Variants in INTS2 observed in about 807,000 individuals in gnomAD.
INTS2 encodes KIAA1287.
INTS2 carries 57 observed loss-of-function variants against 139.6 expected under a neutral mutation model. The observed-to-expected ratio is 0.41, with a 90% CI of 0.33 to 0.51. The LOEUF (loss-of-function observed/expected upper bound fraction) is 0.51, where lower values mean the gene tolerates loss of function less well. Among genes scored for constraint, INTS2 ranks in the 20% least tolerant of loss-of-function variants. The probability of loss-of-function intolerance (pLI) is 0.28; values close to 1 mark genes in which losing one functional copy is unlikely to be tolerated. For synonymous variants in INTS2, 473 were observed against 493.4 expected (o/e 0.96, Z 0.55); for missense variants, 1,196 against 1,436.7 (o/e 0.83, Z 2.71).
intron 15 of INTS2, among the ~76,000 whole-genome samples, chr17:61,889,176 C>T (rs1482398751): frequency 6.6e-6 from 1 of 151,844 alleles, no homozygotes; most frequent in Non-Finnish European, 1.5e-5. Context: ...CAACTTCCGC[C>T]TCTGGGTTCA....
intron 16 of INTS2, among the ~76,000 whole-genome samples, chr17:61,883,894 C>T (rs1015009562): frequency 7.3e-5 from 11 of 151,386 alleles, no homozygotes; most frequent in Non-Finnish European, 5.9e-5. Flanking sequence ...CTGTAGTCCC[C>T]GCTACTAGAG....
At chr17:61,919,566 C>CA in intron 4 of INTS2, 53 bp from the exon 5 acceptor site, 2 of 893,866 alleles carry the variant, frequency 2.2e-6, no homozygotes, top group Non-Finnish European at 3.6e-6. Context: ...CACTCCACCA[C>CA]ACCCAGCTAA....
At position 61,867,703 on chromosome 17, in the gene INTS2, G is replaced by A. The variant is rs1218206968; in HGVS notation, c.3445C>T (p.Pro1149Ser). The change falls in exon 25 of 25, where the codon CCA becomes TCA. Residue 1149 changes from proline (P) to serine (S), a missense_variant. By Grantham distance (74) the Pro-to-Ser change is moderately conservative (BLOSUM62 -1). Coordinates refer to ENST00000251334, the MANE Select transcript of INTS2 (RefSeq NM_001351695.2). This position sits in a 1 kb window ranked among gnomAD's most constrained non-coding sequence, Gnocchi z 5.6. ...TTACAGATTTGAGACCATCCACTTG[G>A]TTTCTCCTTTATTTGTTGAAGACCT... Reference protein sequence around the residue: ...ITRLQQIKEKPSGWSQICKDS... With the variant: ...ITRLQQIKEKSSGWSQICKDS... 4.4e-6 allele frequency: 7 copies of A among 1,602,572 alleles called. No homozygotes were observed. Among genetic ancestry groups the A allele is most frequent in the Non-Finnish European group, 5.1e-6 (6 of 1,174,916 alleles).
rs2079066172 is a variant in INTS2, at chr17:61,868,812, T to C, written c.3244+222A>G. 6.6e-6 allele frequency among the ~76,000 whole-genome samples: 1 copy of C among 152,166 alleles called. No individual in the cohort carries two copies. Among genetic ancestry groups the C allele is most frequent in the Non-Finnish European group, 1.5e-5 (1 of 68,002 alleles). On this transcript the variant is annotated intron_variant, in intron 23 of 24. Transcript: ENST00000251334. This position sits in a 1 kb window ranked among gnomAD's most constrained non-coding sequence, Gnocchi z 4.7. ...TCATTCACAAAATGAAAAATACAAT[T>C]TGCCTACCTATTCATTCCCACTACA...
chr17:61,918,926 T>G (rs1209638554), intron 5 of INTS2, among the ~76,000 whole-genome samples: 1 of 148,938 alleles, frequency 6.7e-6, no homozygotes, highest in Non-Finnish European at 1.5e-5. Flanking sequence ...CCTTGGGGTT[T>G]TTTTTTTTTT....
rs758302407 is a variant in INTS2 at position 61,871,367 on chromosome 17, C to T, written c.2778+898G>A. 6.6e-6 allele frequency among the ~76,000 whole-genome samples: 1 copy of T among 152,076 alleles called. No homozygotes were observed. The highest frequency in any genetic ancestry group is 6.5e-5 in the Admixed American group (1 of 15,270). ...AAACTCCTGAACTCAGGTGATCCAC[C>T]CACCTCAGCCACCCAAAGTGCTGGG... On this transcript the variant is annotated intron_variant, in intron 20 of 24. Coordinates refer to ENST00000251334, the MANE Select transcript of INTS2 (RefSeq NM_001351695.2). This position sits in a 1 kb window ranked among gnomAD's most constrained non-coding sequence, Gnocchi z 4.9.
rs184284916 is a variant in INTS2, at chr17:61,910,553, T to C, written c.954+967A>G. 864 of 150,538 alleles carry C rather than the reference T, an allele frequency of 5.7e-3. 6 individuals are homozygous for C. Among genetic ancestry groups the C allele is most frequent in the Non-Finnish European group, 9.9e-3 (674 of 67,780 alleles). 9.3% of individuals were successfully genotyped at this position (150,538 alleles called of 1,614,324 possible). The stretch of plus-strand genomic sequence containing the variant: ...CTTGCAGTGAGCCGAGATTGCGCCA[T>C]TGTACTCCAGCCTGGGTGACAGAGT... On this transcript the variant is annotated intron_variant, in intron 7 of 24. Coordinates refer to ENST00000251334, the MANE Select transcript of INTS2 (RefSeq NM_001351695.2).
chr17:61,924,159 G>T (rs967628616), intron 3 of INTS2, among the ~76,000 whole-genome samples: 2 of 152,098 alleles, frequency 1.3e-5, no homozygotes, highest in African/African-American at 4.8e-5. Flanking sequence ...ATTCAGCATT[G>T]ATACTCCCCT....
At chr17:61,913,335 C>A (rs780860684) in intron 5 of INTS2, among the ~76,000 whole-genome samples, 6 of 144,514 alleles carry the variant, frequency 4.2e-5, no homozygotes, top group African/African-American at 1.6e-4. Flanking sequence ...AGCAAGACTC[C>A]GTCTCCCAAA....
At chr17:61,889,926 C>T in intron 14 of INTS2, 32 bp from the exon 15 acceptor site, 1 of 1,329,844 alleles carries the variant, frequency 7.5e-7, no homozygotes, top group Admixed American at 1.8e-5. Context: ...CTCTGAAATA[C>T]TCTGAATTTC....
chr17:61,911,712 C>T lies in INTS2; in HGVS notation c.781-19G>A, dbSNP rs376127413. ...CTTCCACCTAGCACAGAAAAGAAAA[C>T]AAACTGAATTCAGTATCATAAGCAA... On this transcript the variant is annotated intron_variant, in intron 6 of 24. Transcript: ENST00000251334. 60 of 1,603,140 alleles carry T rather than the reference C, an allele frequency of 3.7e-5. No homozygotes were observed. The South Asian group carries it at 4.1e-4, about 11-fold the overall frequency.
chr17:61,887,400 TG>T (rs1466401354), intron 15 of INTS2, among the ~76,000 whole-genome samples: 2 of 147,730 alleles, frequency 1.4e-5, no homozygotes, highest in African/African-American at 5.0e-5. Flanking sequence ...GGAGAATCAC[TG>T]GAACCCGGGA....
chr17:61,891,556 A>T lies in INTS2; in HGVS notation c.1832T>A (p.Val611Asp), dbSNP rs1296538986. 6.2e-7 allele frequency: 1 copy of T among 1,613,710 alleles called. No homozygotes were observed. Among genetic ancestry groups the T allele is most frequent in the Non-Finnish European group, 8.5e-7 (1 of 1,179,798 alleles). The change falls in exon 14 of 25, where the codon GTC (valine) becomes GAC (aspartate). Residue 611 changes from valine (V) to aspartate (D), a missense_variant. Val to Asp is a radical substitution (Grantham distance 152, BLOSUM62 -3). This residue lies in a region of INTS2 where 1,129 missense variants were observed against 1,341.9 expected (regional missense o/e 0.84). Transcript: ENST00000251334. ...AATATTGAGTATCTCCTGTTCTGTG[A>T]CTGGCTGATTTGTGGCTTCTGGATT... is the stretch of plus-strand genomic sequence containing the variant. ...KSNPEATNQP[V>D]TEQEILNIFQ...
intron 1 of INTS2, 87 bp from the exon 2 acceptor site, chr17:61,926,749 G>T (rs2079719741): frequency 4.7e-6 from 5 of 1,057,360 alleles, no homozygotes; most frequent in Non-Finnish European, 7.1e-6. Flanking sequence ...AAAATGTGGT[G>T]TATCTTTAAT....
chr17:61,911,779 A>G (rs2143109266), intron 6 of INTS2, 86 bp from the exon 7 acceptor site: 1 of 1,460,980 alleles, frequency 6.8e-7, no homozygotes, highest in Non-Finnish European at 9.3e-7. Context: ...TCTAAAGTTT[A>G]GAGGAAGAAC....
At chr17:61,911,466 T>G (rs2143107380) in intron 7 of INTS2, 54 bp downstream of exon 7, 1 of 1,455,812 alleles carries the variant, frequency 6.9e-7, no homozygotes, top group African/African-American at 1.4e-5. Flanking sequence ...CTTTCTCTTT[T>G]AGCAGCTGCT....
At chr17:61,908,150 C>G (rs1000145604) in intron 7 of INTS2, among the ~76,000 whole-genome samples, 24 of 152,188 alleles carry the variant, frequency 1.6e-4, no homozygotes, top group African/African-American at 5.1e-4. Context: ...TGCAGTGGTT[C>G]ACGCCTGTAA....
At position 61,909,707 on chromosome 17, in the gene INTS2, T is replaced by C. The variant is rs548778164; in HGVS notation, c.954+1813A>G. ...TTTCACTTAATATAATGGCCTCCAG[T>C]TCCATCCATGTTACTGTCAGACATG... On this transcript the variant is annotated intron_variant, in intron 7 of 24. Transcript: ENST00000251334. The surrounding 1 kb of genome is among the most constrained non-coding windows in gnomAD (Gnocchi z 4.9). 6.6e-6 allele frequency among the ~76,000 whole-genome samples: 1 copy of C among 152,200 alleles called. No individual in the cohort carries two copies. Among genetic ancestry groups the C allele is most frequent in the African/African-American group, 2.4e-5 (1 of 41,456 alleles).
At chr17:61,879,094 T>C (rs976282310) in intron 17 of INTS2, among the ~76,000 whole-genome samples, 2 of 136,188 alleles carry the variant, frequency 1.5e-5, no homozygotes, top group Admixed American at 7.4e-5. Flanking sequence ...TTTTTTTTTT[T>C]TTTTTTCCCT....
Sources: gnomAD v4.1 joint callset for allele counts (sites outside exome capture counted in the v4.1 genomes callset) on GRCh38, gnomAD v4.1.1 for gene constraint, gnomAD v4.1.1 regional missense constraint, Gnocchi (gnomAD v3.1) non-coding constraint, MANE v1.5 for transcripts, NCBI Gene and HGNC (gene_info 2026-07-23, HGNC 2026-07-21) for gene names.